GAPVD1: variants seen among roughly 807,000 people sequenced by gnomAD.
The protein encoded by GAPVD1 is GTPase-activating protein and VPS9 domain-containing protein 1.
In GAPVD1, 35 loss-of-function variants were observed where a neutral mutation model predicts 155.5. The observed-to-expected ratio is 0.23, with a 90% CI of 0.17 to 0.30. GAPVD1 has a LOEUF of 0.30. GAPVD1 is among the 10% of genes least tolerant of loss of function. GAPVD1 has a pLI of 1.00. For synonymous variants in GAPVD1, 636 were observed against 619.7 expected, an observed-to-expected ratio of 1.03 and a Z score of -0.39; for missense variants, 1,429 against 1,775.7, an observed-to-expected ratio of 0.80 and a Z score of 3.51.
At chr9:125,278,332 C>T (rs1588587413) in intron 2 of GAPVD1, among the ~76,000 whole-genome samples, 1 of 147,852 alleles carries the variant, frequency 6.8e-6, no homozygotes, top group East Asian at 2.1e-4. Context: ...ACCAGTCTGG[C>T]CAACATGGTG....
chr9:125,357,438 G>C (rs190543638), intron 25 of GAPVD1, among the ~76,000 whole-genome samples: 14 of 151,890 alleles, frequency 9.2e-5, no homozygotes, highest in African/African-American at 3.4e-4. Flanking sequence ...AATTAGCTGG[G>C]TGTGGTGGCA....
chr9:125,333,268 AC>A (rs756380112), intron 15 of GAPVD1, among the ~76,000 whole-genome samples: 11 of 151,504 alleles, frequency 7.3e-5, no homozygotes, highest in Non-Finnish European at 5.9e-5. Flanking sequence ...TTTAGTAGAT[AC>A]GGGGGTTTCA....
intron 2 of GAPVD1, among the ~76,000 whole-genome samples, chr9:125,291,838 G>T (rs1838657622): frequency 6.6e-6 from 1 of 152,102 alleles, no homozygotes; most frequent in African/African-American, 2.4e-5. Flanking sequence ...TCCAGAAAAG[G>T]TTCAAGTTAC....
At position 125,362,664 on chromosome 9, in the gene GAPVD1, G is replaced by A; in HGVS notation, c.4301G>A (p.Cys1434Tyr). 1 of 1,613,390 alleles carries A rather than the reference G, an allele frequency of 6.2e-7. No individual in the cohort carries two copies. The highest frequency in any genetic ancestry group is 1.1e-5 in the South Asian group (1 of 90,970). The stretch of plus-strand genomic sequence containing the variant: ...TATATCAGTAGCTTTTATGCTAGCT[G>A]TCTGTCTGGAGAGGAGTCCTATTGG... ...VQYISSFYAS[C>Y]LSGEESYWWM... Residue 1434 changes from cysteine to tyrosine, a missense_variant, in exon 28 of 28, where the codon TGT becomes TAT. By Grantham distance (194) the Cys-to-Tyr change is radical. This residue lies in a region of GAPVD1 where 102 missense variants were observed against 196.5 expected (regional missense o/e 0.52). Transcript: ENST00000297933.
intron 20 of GAPVD1, 121 bp downstream of exon 20, chr9:125,347,062 T>C (rs1355521872): frequency 1.1e-6 from 1 of 905,422 alleles, no homozygotes; most frequent in Admixed American, 2.3e-5. Flanking sequence ...TACCTCAAAA[T>C]TACAGACTGC....
intron 3 of GAPVD1, among the ~76,000 whole-genome samples, chr9:125,297,653 T>C (rs1419466388): frequency 6.6e-6 from 1 of 152,172 alleles, no homozygotes; most frequent in Admixed American, 6.6e-5. Flanking sequence ...TAGCCAGGGG[T>C]AGATCATATA....
At chr9:125,329,453 A>G (rs532038986) in intron 12 of GAPVD1, among the ~76,000 whole-genome samples, 4 of 152,194 alleles carry the variant, frequency 2.6e-5, no homozygotes, top group Non-Finnish European at 5.9e-5. Flanking sequence ...AAAGCTGTTG[A>G]AATTACTTGA....
At chr9:125,267,475 A>C (rs1564241027) in intron 1 of GAPVD1, among the ~76,000 whole-genome samples, 1 of 152,112 alleles carries the variant, frequency 6.6e-6, no homozygotes, top group Admixed American at 6.6e-5. Context: ...GCTGGAGTAC[A>C]ATGGCACAAT....
intron 4 of GAPVD1, among the ~76,000 whole-genome samples, chr9:125,299,662 G>A (rs575360040): frequency 4.8e-4 from 69 of 144,444 alleles, no homozygotes; most frequent in African/African-American, 1.5e-3. Flanking sequence ...CTCCTCAAAA[G>A]AAAAAAAAAA....
At chr9:125,349,990 C>T (rs1392270823) in intron 21 of GAPVD1, among the ~76,000 whole-genome samples, 1 of 152,164 alleles carries the variant, frequency 6.6e-6, no homozygotes, top group African/African-American at 2.4e-5. Flanking sequence ...CCCTCCCACT[C>T]TGCCATAATA....
At chr9:125,316,638 G>A (rs996213572) in intron 9 of GAPVD1, among the ~76,000 whole-genome samples, 2 of 152,114 alleles carry the variant, frequency 1.3e-5, no homozygotes, top group Admixed American at 1.3e-4. Flanking sequence ...CCAGTCTATT[G>A]TTGATGGGCA....
chr9:125,361,144 T>C (rs1201509260), intron 27 of GAPVD1, among the ~76,000 whole-genome samples: 1 of 152,096 alleles, frequency 6.6e-6, no homozygotes, highest in Non-Finnish European at 1.5e-5. Flanking sequence ...GTTGGGATCA[T>C]AGACATGAGC....
In GAPVD1 at chr9:125,307,516, T is replaced by C. The variant is rs1304927001; in HGVS notation, c.1220T>C (p.Val407Ala). ...NLLEGLSRTVVYITYSQLITL... is the reference protein window; with the variant it reads ...NLLEGLSRTVAYITYSQLITL... ...CTGGAAGGATTGAGCAGAACTGTGG[T>C]TTATATAACCTACAGTCAGCTTATT... The change falls in exon 7 of 28, where the codon GTT (valine) becomes GCT (alanine). Residue 407 changes from valine (V) to alanine (A), a missense_variant. Val to Ala is a moderately conservative substitution (Grantham distance 64). This residue lies in a region of GAPVD1 where 628 missense variants were observed against 733.4 expected (regional missense o/e 0.86). Coordinates refer to ENST00000297933, the MANE Select transcript of GAPVD1 (RefSeq NM_001282680.3). The C allele has an allele frequency of 1.9e-6, 3 of 1,610,670 alleles. No individual in the cohort carries two copies. The highest frequency in any genetic ancestry group is 2.5e-6 in the Non-Finnish European group (3 of 1,177,070).
chr9:125,292,461 C>T (rs1564306006), intron 2 of GAPVD1, among the ~76,000 whole-genome samples: 1 of 151,316 alleles, frequency 6.6e-6, no homozygotes, highest in African/African-American at 2.4e-5. Context: ...GTTGTGATCT[C>T]AGCTCACTGC....
intron 3 of GAPVD1, among the ~76,000 whole-genome samples, chr9:125,296,283 A>T (rs374423198): frequency 1.3e-5 from 2 of 150,554 alleles, no homozygotes; most frequent in African/African-American, 2.4e-5. Context: ...GGTTCAAGCA[A>T]TTCTCTGCCT....
At chr9:125,350,535 A>G (rs1849143696) in intron 22 of GAPVD1, 131 bp downstream of exon 22, 1 of 710,474 alleles carries the variant, frequency 1.4e-6, no homozygotes, top group African/African-American at 1.8e-5. Flanking sequence ...CATTAGTATC[A>G]CTTAAGGGCA....
intron 2 of GAPVD1, among the ~76,000 whole-genome samples, chr9:125,274,432 AGT>A (rs905872146): frequency 1.3e-5 from 2 of 150,684 alleles, no homozygotes; most frequent in African/African-American, 4.9e-5. Flanking sequence ...CCAAAATTAT[AGT>A]TAACATTATA....
At chr9:125,316,753 A>G (rs1026610166) in intron 9 of GAPVD1, among the ~76,000 whole-genome samples, 4 of 152,134 alleles carry the variant, frequency 2.6e-5, no homozygotes, top group Admixed American at 6.5e-5. Flanking sequence ...GGGTATATAC[A>G]CCCAGTAATG....
At chr9:125,288,405 C>A (rs1025052206) in intron 2 of GAPVD1, among the ~76,000 whole-genome samples, 1 of 152,252 alleles carries the variant, frequency 6.6e-6, no homozygotes, top group South Asian at 2.1e-4. Context: ...CCACTGCACC[C>A]GGCCTTGTTA....
Sources: allele counts gnomAD v4.1 joint callset (sites outside exome capture counted in the v4.1 genomes callset), GRCh38; gene constraint gnomAD v4.1.1; regional missense constraint gnomAD v4.1.1; transcripts MANE v1.5; gene names NCBI Gene and HGNC (gene_info 2026-07-23, HGNC 2026-07-21).